The following TENM4 variants were observed in gnomAD, a reference collection of about 807,000 sequenced individuals.
TENM4 encodes the protein teneurin-4.
A neutral mutation model predicts 243.3 loss-of-function variants in TENM4; 82 were observed. That is an observed-to-expected ratio of 0.34 (90% CI 0.28 to 0.40). The LOEUF is 0.40. TENM4 is among the 10% of genes least tolerant of loss of function. TENM4 has a pLI of 1.00. For synonymous variants in TENM4, 1,412 were observed against 1,456.3 expected (o/e 0.97, Z 0.69); for missense variants, 3,138 against 3,673.3 (o/e 0.85, Z 3.77).
At chr11:79,142,879 G>C (rs890922406) in intron 4 of TENM4, among the ~76,000 whole-genome samples, 4 of 152,066 alleles carry the variant, frequency 2.6e-5, no homozygotes, top group Admixed American at 1.3e-4. Flanking sequence ...ACACACACTG[G>C]GGAAAGGACA....
rs116881690 is a variant in TENM4 at position 78,755,189 on chromosome 11, G to A, written c.2756+1616C>T. Among the ~76,000 whole-genome samples the A allele has an allele frequency of 8.5e-3, 1,288 of 152,182 alleles. 10 individuals carry two copies. The highest frequency in any genetic ancestry group is 0.012 in the Non-Finnish European group (849 of 68,002). Reference sequence around the variant, plus strand: ...AAGGTTTTTTTTTCTCCCTGAGATGGGGTCTTGCTCTGTCACCCAGGCTGG... The same window carrying A: ...AAGGTTTTTTTTTCTCCCTGAGATGAGGTCTTGCTCTGTCACCCAGGCTGG... On this transcript the variant is annotated intron_variant, in intron 19 of 33. Transcript: ENST00000278550.
chr11:79,049,889 G>A (rs979639025), intron 6 of TENM4, among the ~76,000 whole-genome samples: 2 of 152,312 alleles, frequency 1.3e-5, no homozygotes, highest in African/African-American at 2.4e-5. Flanking sequence ...ACTCTTGGAA[G>A]CTTTTGCCCG....
At chr11:78,732,140 T>G (rs1855682860) in intron 21 of TENM4, among the ~76,000 whole-genome samples, 176 bp downstream of exon 21, 1 of 152,214 alleles carries the variant, frequency 6.6e-6, no homozygotes. Flanking sequence ...GTGCCCCTCA[T>G]GCCCTTACAC....
chr11:79,207,567 A>T (rs1863873644), intron 3 of TENM4, among the ~76,000 whole-genome samples: 1 of 152,148 alleles, frequency 6.6e-6, no homozygotes. Flanking sequence ...CTCTTGGGAA[A>T]AGGGATAATA....
chr11:78,837,667 C>T lies in TENM4; in HGVS notation c.1681+16437G>A, dbSNP rs1858147997. Among the ~76,000 whole-genome samples the T allele has an allele frequency of 2.6e-5, 4 of 152,150 alleles. No homozygotes were observed. In the South Asian group the frequency reaches 8.3e-4, roughly 32 times the overall value. On this transcript the variant is annotated intron_variant, in intron 12 of 33. Coordinates refer to ENST00000278550, the MANE Select transcript of TENM4 (RefSeq NM_001098816.3). ...GACTTGAATTCCAGTTCAAACTCTACCTCTAAATATGTGGATTAGGCAAAT... is the reference window on the plus strand; with the variant it reads ...GACTTGAATTCCAGTTCAAACTCTATCTCTAAATATGTGGATTAGGCAAAT...
chr11:78,874,473 ACC>A (rs1477508514), intron 9 of TENM4, among the ~76,000 whole-genome samples: 8 of 152,160 alleles, frequency 5.3e-5, no homozygotes, highest in Non-Finnish European at 1.5e-5. Flanking sequence ...ATGTGAAACC[ACC>A]CACACAGTTT....
In TENM4 at chr11:79,412,361, A is replaced by G. The variant is rs540541924; in HGVS notation, c.-321+28148T>C. Among the ~76,000 whole-genome samples, 3 of 152,306 alleles carry G rather than the reference A, an allele frequency of 2.0e-5. No individual in the cohort carries two copies. In the East Asian group the frequency reaches 5.8e-4, roughly 29 times the overall value. The stretch of plus-strand genomic sequence containing the variant: ...TTGTCTGTAAGCCCAGGACAGCCTT[A>G]GCGACAGCCCTCGTAAGACAGTTGG... On this transcript the variant is annotated intron_variant, in intron 1 of 33. Coordinates refer to ENST00000278550, the MANE Select transcript of TENM4 (RefSeq NM_001098816.3).
intron 19 of TENM4, among the ~76,000 whole-genome samples, chr11:78,755,344 T>G (rs1856281641): frequency 6.6e-6 from 1 of 152,006 alleles, no homozygotes; most frequent in South Asian, 2.1e-4. Context: ...TTTGTTTTGT[T>G]TTTTTGGAGA....
At chr11:79,133,651 C>A (rs1446267426) in intron 4 of TENM4, among the ~76,000 whole-genome samples, 1 of 152,056 alleles carries the variant, frequency 6.6e-6, no homozygotes, top group Non-Finnish European at 1.5e-5. Context: ...AAAAATAATT[C>A]ACCTGATCAA....
At chr11:79,056,428 A>G (rs1859944610) in intron 6 of TENM4, among the ~76,000 whole-genome samples, 1 of 151,930 alleles carries the variant, frequency 6.6e-6, no homozygotes, top group Non-Finnish European at 1.5e-5. Flanking sequence ...TATGGGGTGC[A>G]TTTAATCTGG....
At chr11:79,357,484 CCCA>C in intron 1 of TENM4, among the ~76,000 whole-genome samples, 1 of 152,324 alleles carries the variant, frequency 6.6e-6, no homozygotes, top group Admixed American at 6.5e-5. Context: ...GTTGTCCACT[CCCA>C]CCTAGCATTC....
chr11:78,729,230 G>T, intron 22 of TENM4, 146 bp downstream of exon 22: 1 of 858,760 alleles, frequency 1.2e-6, no homozygotes, highest in Non-Finnish European at 1.7e-6. Flanking sequence ...TTTAGGTCCT[G>T]GCCAGTCACG....
At position 79,206,546 on chromosome 11, in the gene TENM4, A is replaced by T. The variant is rs542720492; in HGVS notation, c.-163+9262T>A. On this transcript the variant is annotated intron_variant, in intron 3 of 33. Coordinates refer to ENST00000278550, the MANE Select transcript of TENM4 (RefSeq NM_001098816.3). ...TGTCCCCACCCAAATGTCAACTTGAATTGTATCTCCCAGAATTCCCACATG... is the reference window on the plus strand; with the variant it reads ...TGTCCCCACCCAAATGTCAACTTGATTTGTATCTCCCAGAATTCCCACATG... 2.0e-5 allele frequency among the ~76,000 whole-genome samples: 3 copies of T among 152,252 alleles called. No homozygotes were observed. The East Asian group carries it at 5.8e-4, about 29-fold the overall frequency.
chr11:79,122,531 G>A (rs1565212624), intron 4 of TENM4, among the ~76,000 whole-genome samples: 1 of 152,196 alleles, frequency 6.6e-6, no homozygotes, highest in Non-Finnish European at 1.5e-5. Context: ...GAGGGGACTG[G>A]ATTCATGACC....
intron 6 of TENM4, among the ~76,000 whole-genome samples, chr11:78,945,713 G>A (rs565947139): frequency 2.9e-4 from 44 of 152,244 alleles, no homozygotes; most frequent in Admixed American, 5.9e-4. Context: ...TGAAAATTGC[G>A]ACTCCATTGA....
rs548639135 is a variant in TENM4, at chr11:79,278,088, G to A, written c.-265+19400C>T. Among the ~76,000 whole-genome samples the A allele has an allele frequency of 7.9e-5, 12 of 152,334 alleles. No homozygotes were observed. In the South Asian group the frequency reaches 2.5e-3, roughly 32 times the overall value. On this transcript the variant is annotated intron_variant, in intron 2 of 33. Coordinates refer to ENST00000278550, the MANE Select transcript of TENM4 (RefSeq NM_001098816.3). ...AGTTCACTCAGAGAAGAAAGAGAAA[G>A]CAGATTTGAGAGAGAGCGTATAGAT... is the stretch of plus-strand genomic sequence containing the variant.
intron 3 of TENM4, among the ~76,000 whole-genome samples, chr11:79,154,077 C>G (rs1424088875): frequency 1.3e-5 from 2 of 152,036 alleles, no homozygotes; most frequent in African/African-American, 4.8e-5. Context: ...CAAGAGCTTC[C>G]TCTTGCTGCT....
At chr11:79,047,062 T>G (rs1296794581) in intron 6 of TENM4, among the ~76,000 whole-genome samples, 1 of 152,174 alleles carries the variant, frequency 6.6e-6, no homozygotes, top group African/African-American at 2.4e-5. Context: ...TTTGCCAAGA[T>G]TGACACAGAT....
At chr11:78,917,597 T>G (rs1168964486) in intron 6 of TENM4, among the ~76,000 whole-genome samples, 1 of 152,106 alleles carries the variant, frequency 6.6e-6, no homozygotes, top group South Asian at 2.1e-4. Context: ...AATTTTGTCT[T>G]CCTGAAGTCC....
Sources: gnomAD v4.1 joint callset for allele counts (sites outside exome capture counted in the v4.1 genomes callset) on GRCh38, gnomAD v4.1.1 for gene constraint, MANE v1.5 for transcripts, NCBI Gene and HGNC (gene_info 2026-07-23, HGNC 2026-07-21) for gene names.